Variants in FST observed in about 807,000 individuals in gnomAD.
FST encodes follistatin, also known as activin-binding protein.
A neutral mutation model predicts 38.4 loss-of-function variants in FST; 6 were observed. That is an observed-to-expected ratio of 0.16 (90% CI 0.09 to 0.31). The LOEUF (loss-of-function observed/expected upper bound fraction) is 0.31. FST is among the 10% of genes least tolerant of loss of function. The pLI, the probability that FST is intolerant of heterozygous loss-of-function variation, is 1.00. For missense variants in FST, 301 were observed against 432.3 expected (o/e 0.70, Z 2.69); for synonymous variants, 157 against 169.8 (o/e 0.92, Z 0.59).
In FST at chr5:53,486,077, A is replaced by C; in HGVS notation, c.*44A>C. 2 of 562,304 alleles carry C rather than the reference A, an allele frequency of 3.6e-6. No individual in the cohort carries two copies. Among genetic ancestry groups the C allele is most frequent in the Non-Finnish European group, 5.9e-6 (2 of 339,320 alleles). 34.8% of individuals were successfully genotyped at this position (562,304 alleles called of 1,614,324 possible). Reference sequence around the variant, plus strand: ...GTGTTGACATAGCCTTTGTGCAAAAAAAAAAAAAAAAAAAAAGAAAAAGAA... The same window carrying C: ...GTGTTGACATAGCCTTTGTGCAAAACAAAAAAAAAAAAAAAAGAAAAAGAA... On this transcript the variant is annotated 3_prime_UTR_variant, in exon 6 of 6. Coordinates refer to ENST00000256759, the MANE Select transcript of FST (RefSeq NM_013409.3).
Position 53,480,863 on chromosome 5 carries a change from C to T in FST, c.72C>T (p.Asp24=). 1 of 1,527,148 alleles carries T rather than the reference C, an allele frequency of 6.5e-7. No homozygotes were observed. Among genetic ancestry groups the T allele is most frequent in the Non-Finnish European group, 8.8e-7 (1 of 1,132,060 alleles). 94.6% of individuals were successfully genotyped at this position (1,527,148 alleles called of 1,614,324 possible). ...TGCTGCTCTGCCAGTTCATGGAGGACCGCAGTGCCCAGGGTAAGCGAGTGG... is the reference window on the plus strand; with the variant it reads ...TGCTGCTCTGCCAGTTCATGGAGGATCGCAGTGCCCAGGGTAAGCGAGTGG... ...LLLLLCQFME[D]RSAQAGNCWL... The change falls in exon 1 of 6, where the codon GAC becomes GAT. Residue 24 remains aspartate, a synonymous_variant. Transcript: ENST00000256759.
chr5:53,482,982 C>T lies in FST; in HGVS notation c.188C>T (p.Thr63Ile). The T allele has an allele frequency of 6.2e-7, 1 of 1,613,712 alleles. No homozygotes were observed. ...TGCTGCAGCACCGGCCGGCTGAGCA[C>T]CTCGTGGACCGAGGAGGACGTGAAT... The part of the protein sequence containing the change: ...EECCSTGRLS[T>I]SWTEEDVNDN... Residue 63 changes from threonine to isoleucine, a missense_variant, in exon 2 of 6, where the codon ACC becomes ATC. Transcript: ENST00000256759.
chr5:53,484,789 G>A (rs999798181), intron 4 of FST, among the ~76,000 whole-genome samples: 4 of 152,148 alleles, frequency 2.6e-5, no homozygotes, highest in East Asian at 1.9e-4. Flanking sequence ...GGTTTTGTGC[G>A]TGTGTATGTG....
In FST at chr5:53,480,711, C is replaced by A; in HGVS notation, c.-81C>A. ...CGCCCTCCGCCGCTGGCCTCTGCGA[C>A]GCGCGCCGCTCGCCCGAGCCACCCG... On this transcript the variant is annotated 5_prime_UTR_variant, in exon 1 of 6. Coordinates refer to ENST00000256759, the MANE Select transcript of FST (RefSeq NM_013409.3). 1 of 292,942 alleles carries A rather than the reference C, an allele frequency of 3.4e-6. No individual in the cohort carries two copies. 18.1% of individuals were successfully genotyped at this position (292,942 alleles called of 1,614,324 possible).
chr5:53,485,567 C>T (rs193024429), intron 5 of FST: 45 of 702,130 alleles, frequency 6.4e-5, no homozygotes, highest in Admixed American at 2.9e-4. Flanking sequence ...TTTTTTCCAA[C>T]GACAGCTTCA....
chr5:53,480,707 G>A lies in FST; in HGVS notation c.-85G>A, dbSNP rs1239232059. On this transcript the variant is annotated 5_prime_UTR_variant, in exon 1 of 6. Coordinates refer to ENST00000256759, the MANE Select transcript of FST (RefSeq NM_013409.3). ...GCTGCGCCCTCCGCCGCTGGCCTCTGCGACGCGCGCCGCTCGCCCGAGCCA... is the reference window on the plus strand; with the variant it reads ...GCTGCGCCCTCCGCCGCTGGCCTCTACGACGCGCGCCGCTCGCCCGAGCCA... The A allele has an allele frequency of 1.9e-5, 5 of 269,510 alleles. No homozygotes were observed. Among genetic ancestry groups the A allele is most frequent in the Non-Finnish European group, 2.9e-5 (5 of 172,886 alleles). 16.7% of individuals were successfully genotyped at this position (269,510 alleles called of 1,614,324 possible).
rs1747374720 is a variant in FST, at chr5:53,483,629, G to A, written c.403G>A (p.Asp135Asn). The change falls in exon 3 of 6, where the codon GAT (aspartate) becomes AAT (asparagine). Residue 135 changes from aspartate (D) to asparagine (N), a missense_variant. Coordinates refer to ENST00000256759, the MANE Select transcript of FST (RefSeq NM_013409.3). This position sits in a 1 kb window ranked among gnomAD's most constrained non-coding sequence, Gnocchi z 4.1. ...ITWKGPVCGL[D>N]GKTYRNECAL... ...CTGGAAGGGTCCAGTCTGCGGGCTGGATGGGAAAACCTACCGCAATGAATG... is the reference window on the plus strand; with the variant it reads ...CTGGAAGGGTCCAGTCTGCGGGCTGAATGGGAAAACCTACCGCAATGAATG... The A allele has an allele frequency of 6.2e-7, 1 of 1,614,216 alleles. No individual in the cohort carries two copies. Among genetic ancestry groups the A allele is most frequent in the South Asian group, 1.1e-5 (1 of 91,090 alleles).
rs1448566716 is a variant in FST, at chr5:53,486,202, C to G, written c.*169C>G. 2 of 477,902 alleles carry G rather than the reference C, an allele frequency of 4.2e-6. No homozygotes were observed. Among genetic ancestry groups the G allele is most frequent in the Non-Finnish European group, 7.2e-6 (2 of 276,994 alleles). 29.6% of individuals were successfully genotyped at this position (477,902 alleles called of 1,614,324 possible). On this transcript the variant is annotated 3_prime_UTR_variant, in exon 6 of 6. Transcript: ENST00000256759. ...GGACCTTTGTCCTAAAGCTCTCTCC[C>G]AGGCCACCTTGTTACTCATTGGACA... is the stretch of plus-strand genomic sequence containing the variant.
At position 53,483,519 on chromosome 5, in the gene FST, T is replaced by TGGAC; in HGVS notation, c.294_297dup (p.Cys100GlyfsTer44). 6.2e-7 allele frequency: 1 copy of TGGAC among 1,613,686 alleles called. No homozygotes were observed. The highest frequency in any genetic ancestry group is 8.5e-7 in the Non-Finnish European group (1 of 1,179,584). On this transcript the variant is annotated frameshift_variant, in exon 3 of 6. Coordinates refer to ENST00000256759, the MANE Select transcript of FST (RefSeq NM_013409.3). LOFTEE classifies it high-confidence loss of function. The surrounding 1 kb of genome is among the most constrained non-coding windows in gnomAD (Gnocchi z 4.1). ...TAACTCACAGAAACGTGTGAGAACGTGGACTGTGGACCTGGGAAAAAATGC... is the reference window on the plus strand; with the variant it reads ...TAACTCACAGAAACGTGTGAGAACGTGGACGGACTGTGGACCTGGGAAAAAATGC...
chr5:53,482,674 C>A, intron 1 of FST: 1 of 385,580 alleles, frequency 2.6e-6, no homozygotes, highest in Non-Finnish European at 4.8e-6. Flanking sequence ...GTGATCAGGG[C>A]TTCCCCCTCC....
intron 5 of FST, chr5:53,485,546 G>GC (rs1491404495): frequency 5.7e-5 from 36 of 635,438 alleles, no homozygotes; most frequent in Non-Finnish European, 9.0e-5. Context: ...TGCTTCAAAA[G>GC]TTTTTTTTTT....
At chr5:53,482,587 T>C in intron 1 of FST, 1 of 450,834 alleles carries the variant, frequency 2.2e-6, no homozygotes, top group East Asian at 3.5e-5. Context: ...GGGTCACTGG[T>C]AACTGACATT....
chr5:53,484,007 A>T (rs1156603675), intron 3 of FST, 62 bp from the exon 4 acceptor site: 8 of 1,382,078 alleles, frequency 5.8e-6, no homozygotes, highest in Admixed American at 1.7e-5. Flanking sequence ...TGGTAACTTC[A>T]AGTGCTCACT....
Position 53,483,047 on chromosome 5 carries a change from G to A in FST, c.253G>A (p.Ala85Thr). 6.2e-7 allele frequency: 1 copy of A among 1,612,970 alleles called. No individual in the cohort carries two copies. The highest frequency in any genetic ancestry group is 8.5e-7 in the Non-Finnish European group (1 of 1,179,138). ...CAAGTGGATGATTTTCAACGGGGGCGCCCCCAACTGCATCCCCTGTAAAGG... is the reference window on the plus strand; with the variant it reads ...CAAGTGGATGATTTTCAACGGGGGCACCCCCAACTGCATCCCCTGTAAAGG... ...LFKWMIFNGG[A>T]PNCIPCKETC... Residue 85 changes from alanine to threonine, a missense_variant, in exon 2 of 6, where the codon GCC becomes ACC. Coordinates refer to ENST00000256759, the MANE Select transcript of FST (RefSeq NM_013409.3). This position sits in a 1 kb window ranked among gnomAD's most constrained non-coding sequence, Gnocchi z 4.1.
chr5:53,484,607 A>T (rs918480345), intron 4 of FST, among the ~76,000 whole-genome samples: 1 of 152,244 alleles, frequency 6.6e-6, no homozygotes, highest in Non-Finnish European at 1.5e-5. Flanking sequence ...ATTACTTAGC[A>T]GTTCCAGAAA....
chr5:53,482,483 T>C (rs1463082907), intron 1 of FST, among the ~76,000 whole-genome samples: 1 of 152,102 alleles, frequency 6.6e-6, no homozygotes, highest in African/African-American at 2.4e-5. Context: ...TCAGGTTCTT[T>C]AATCTGCTCT....
In FST at chr5:53,486,281, T is replaced by C. The variant is rs1341666333; in HGVS notation, c.*248T>C. On this transcript the variant is annotated 3_prime_UTR_variant, in exon 6 of 6. Transcript: ENST00000256759. The stretch of plus-strand genomic sequence containing the variant: ...GGATGAGGCCCATAGTTGAGACTTG[T>C]AGACATTTATTTATACTGTGTCATG... 3.1e-6 allele frequency: 1 copy of C among 326,300 alleles called. No homozygotes were observed. Among genetic ancestry groups the C allele is most frequent in the Non-Finnish European group, 5.4e-6 (1 of 183,924 alleles). 20.2% of individuals were successfully genotyped at this position (326,300 alleles called of 1,614,324 possible). A position where few individuals can be genotyped will look rare whatever the true frequency, so the allele number is the denominator to read the frequency against.
In FST at chr5:53,485,167, A is replaced by C. The variant is rs918627296; in HGVS notation, c.892A>C (p.Lys298Gln). 1 of 1,613,544 alleles carries C rather than the reference A, an allele frequency of 6.2e-7. No homozygotes were observed. Among genetic ancestry groups the C allele is most frequent in the African/African-American group, 1.3e-5 (1 of 74,890 alleles). The change falls in exon 5 of 6, where the codon AAG (lysine) becomes CAG (glutamine). Residue 298 changes from lysine to glutamine, a missense_variant. Coordinates refer to ENST00000256759, the MANE Select transcript of FST (RefSeq NM_013409.3). ...NATYASECAM[K>Q]EAACSSGVLL... ...CACTTATGCCAGCGAGTGTGCCATGAAGGAAGCTGCCTGCTCCTCAGGTGT... is the reference window on the plus strand; with the variant it reads ...CACTTATGCCAGCGAGTGTGCCATGCAGGAAGCTGCCTGCTCCTCAGGTGT...
chr5:53,484,760 G>A (rs1476688381), intron 4 of FST, among the ~76,000 whole-genome samples: 1 of 152,104 alleles, frequency 6.6e-6, no homozygotes, highest in Non-Finnish European at 1.5e-5. Flanking sequence ...CACTAATGTA[G>A]TATGTAAGAA....
Sources: gnomAD v4.1 joint callset for allele counts (sites outside exome capture counted in the v4.1 genomes callset) on GRCh38, gnomAD v4.1.1 for gene constraint, Gnocchi (gnomAD v3.1) non-coding constraint, MANE v1.5 for transcripts, NCBI Gene and HGNC (gene_info 2026-07-23, HGNC 2026-07-21) for gene names.